MAP1S: variants seen among roughly 807,000 people sequenced by gnomAD.
MAP1S encodes microtubule-associated protein 1S.
In MAP1S, 27 loss-of-function variants were observed where a neutral mutation model predicts 60.9. That is an observed-to-expected ratio of 0.44 (90% CI 0.33 to 0.61). The LOEUF is 0.61. Ranked by LOEUF, MAP1S falls within the 20% of genes least tolerant of loss-of-function variation. The pLI is 0.03. For synonymous variants in MAP1S, 826 were observed against 694.2 expected, an observed-to-expected ratio of 1.19 and a Z score of -2.98; for missense variants, 1,608 against 1,486.6, an observed-to-expected ratio of 1.08 and a Z score of -1.34.
In MAP1S at chr19:17,734,499, CTG is replaced by C. The variant is rs1312176929; in HGVS notation, c.*74_*75del. ...TAGATTCAGCCACATCAGAAATAAA[CTG>C]TGACTACACTTGGCTGTGGCCTCTC... On this transcript the variant is annotated 3_prime_UTR_variant, in exon 7 of 7. Coordinates refer to ENST00000324096, the MANE Select transcript of MAP1S (RefSeq NM_018174.6). 4 of 1,537,786 alleles carry C rather than the reference CTG, an allele frequency of 2.6e-6. No homozygotes were observed. Among genetic ancestry groups the C allele is most frequent in the South Asian group, 1.2e-5 (1 of 82,414 alleles).
chr19:17,728,118 G>C lies in MAP1S; in HGVS notation c.2734G>C (p.Ala912Pro). 1 of 1,611,508 alleles carries C rather than the reference G, an allele frequency of 6.2e-7. No homozygotes were observed. Among genetic ancestry groups the C allele is most frequent in the Non-Finnish European group, 8.5e-7 (1 of 1,178,966 alleles). Residue 912 changes from alanine (A) to proline (P), a missense_variant, in exon 5 of 7, where the codon GCA (alanine) becomes CCA (proline). By Grantham distance (27) the Ala-to-Pro change is conservative (BLOSUM62 -1). Around this residue, in one of 4 missense-constraint regions of MAP1S, gnomAD observed 1,167 missense variants for 961.4 expected, o/e 1.21. Transcript: ENST00000324096. ...TGAGCCCAGTGAGAAGGGAGGCCGG[G>C]CACCCCTGTCCAGAAAGTCCTCAAC... is the stretch of plus-strand genomic sequence containing the variant. ...RSEPSEKGGR[A>P]PLSRKSSTPK...
In MAP1S at chr19:17,733,228, C is replaced by G; in HGVS notation, c.2824C>G (p.Pro942Ala). 6.5e-7 allele frequency: 1 copy of G among 1,548,080 alleles called. No individual in the cohort carries two copies. The highest frequency in any genetic ancestry group is 1.2e-5 in the South Asian group (1 of 83,920). Residue 942 changes from proline (P) to alanine (A), a missense_variant, in exon 6 of 7, where the codon CCA becomes GCA. Physicochemically the swap from Pro to Ala is conservative, Grantham distance 27. This residue lies in a region of MAP1S where 1,167 missense variants were observed against 961.4 expected (regional missense o/e 1.21). Coordinates refer to ENST00000324096, the MANE Select transcript of MAP1S (RefSeq NM_018174.6). ...CAGCCGGCCCGGGGTGTCAGCCACC[C>G]CACCCAAGTCCCCGGTCTACCTGGA... ...ASSRPGVSAT[P>A]PKSPVYLDLA...
In MAP1S at chr19:17,727,159, GC is replaced by G. The variant is rs774987060; in HGVS notation, c.1782del (p.Ser595ValfsTer62). On this transcript the variant is annotated frameshift_variant, in exon 5 of 7. Coordinates refer to ENST00000324096, the MANE Select transcript of MAP1S (RefSeq NM_018174.6). LOFTEE classifies it high-confidence loss of function. The surrounding 1 kb of genome is among the most constrained non-coding windows in gnomAD (Gnocchi z 4.1). ...SPPSLRCGEA[S>X]PPSAACGSPA... ...CCCAGCCTCCGATGTGGAGAAGCCA[GC>G]CCCCCCAGTGCAGCCTGCGGCTCTC... The G allele has an allele frequency of 2.5e-6, 4 of 1,588,142 alleles. No individual in the cohort carries two copies. The highest frequency in any genetic ancestry group is 8.5e-7 in the Non-Finnish European group (1 of 1,170,660).
At chr19:17,719,710 CGGCGGCGGCGGG>C in intron 1 of MAP1S, 90 bp downstream of exon 1, 1 of 496,076 alleles carries the variant, frequency 2.0e-6, no homozygotes. Context: ...GCGGCGGCGG[CGGCGGCGGCGGG>C]ACCCGGGCTC....
In MAP1S at chr19:17,733,292, T is replaced by C; in HGVS notation, c.2888T>C (p.Val963Ala). 6 of 1,583,682 alleles carry C rather than the reference T, an allele frequency of 3.8e-6. No individual in the cohort carries two copies. The highest frequency in any genetic ancestry group is 5.1e-6 in the Non-Finnish European group (6 of 1,166,088). ...CCCAGCGGGAGCAGCGCCCACCTGGTGGATGAGGAGTTCTTCCAGCGCGTG... is the reference window on the plus strand; with the variant it reads ...CCCAGCGGGAGCAGCGCCCACCTGGCGGATGAGGAGTTCTTCCAGCGCGTG... ...YLPSGSSAHL[V>A]DEEFFQRVRA... The change falls in exon 6 of 7, where the codon GTG becomes GCG. Residue 963 changes from valine (V) to alanine (A), a missense_variant. By Grantham distance (64) the Val-to-Ala change is moderately conservative (BLOSUM62 0). This residue lies in a region of MAP1S where 1,167 missense variants were observed against 961.4 expected (regional missense o/e 1.21). Transcript: ENST00000324096.
intron 5 of MAP1S, 85 bp from the exon 6 acceptor site, chr19:17,733,108 C>A (rs2080506058): frequency 4.5e-6 from 4 of 883,464 alleles, no homozygotes; most frequent in Non-Finnish European, 6.9e-6. Flanking sequence ...GGGAGCTGCT[C>A]TGAGTGGTGC....
At chr19:17,728,219 G>A (rs1384765079) in intron 5 of MAP1S, 47 bp downstream of exon 5, 1 of 1,512,566 alleles carries the variant, frequency 6.6e-7, no homozygotes, top group Non-Finnish European at 8.9e-7. Context: ...AGCTGCTTAG[G>A]CTGGAGAGCA....
At chr19:17,724,907 C>A in intron 3 of MAP1S, 142 bp from the exon 4 acceptor site, 1 of 1,004,724 alleles carries the variant, frequency 1.0e-6, no homozygotes, top group Non-Finnish European at 1.5e-6. Flanking sequence ...AGACTGCCTT[C>A]GTAGCTAGTT....
In MAP1S at chr19:17,726,743, C is replaced by T; in HGVS notation, c.1359C>T (p.Phe453=). The T allele has an allele frequency of 6.3e-7, 1 of 1,579,066 alleles. No homozygotes were observed. The highest frequency in any genetic ancestry group is 8.6e-7 in the Non-Finnish European group (1 of 1,166,128). The change falls in exon 5 of 7, where the codon TTC becomes TTT. Residue 453 remains phenylalanine (F), a synonymous_variant. Coordinates refer to ENST00000324096, the MANE Select transcript of MAP1S (RefSeq NM_018174.6). ...TGGTCCGCCTGCAGCACTTGAGGTT[C>T]CTGCGAGAGCCCGTGGTGACGCCCC... The part of the protein sequence containing the change: ...DGLVRLQHLR[F]LREPVVTPQD...
intron 5 of MAP1S, 56 bp from the exon 6 acceptor site, chr19:17,733,137 C>T (rs1568296761): frequency 1.3e-5 from 16 of 1,243,174 alleles, no homozygotes; most frequent in South Asian, 7.3e-5. Context: ...CTTGGAGCCT[C>T]GGCCCCTCCC....
chr19:17,723,992 C>T, intron 2 of MAP1S, 134 bp from the exon 3 acceptor site: 1 of 664,808 alleles, frequency 1.5e-6, no homozygotes, highest in Non-Finnish European at 2.7e-6. Context: ...CTTGCCTGGT[C>T]CTGACCTGCA....
chr19:17,720,616 TC>T (rs1461796139), intron 1 of MAP1S: 36 of 1,080,742 alleles, frequency 3.3e-5, no homozygotes, highest in Non-Finnish European at 4.2e-5. Context: ...GGGATGGACT[TC>T]CAGGCAGGGG....
rs1287005772 is a variant in MAP1S at position 17,719,516 on chromosome 19, C to T, written c.14C>T (p.Ala5Val). ...GGCGGCCCGAAGATGGCGGCGGTGG[C>T]TGGATCTGGGGCTGCCGCGGCTCCG... Reference protein sequence around the residue: MAAVAGSGAAAAPSS... With the variant: MAAVVGSGAAAAPSS... Residue 5 changes from alanine (A) to valine (V), a missense_variant, in exon 1 of 7, where the codon GCT (alanine) becomes GTT (valine). Physicochemically the swap from Ala to Val is moderately conservative, Grantham distance 64 (BLOSUM62 0). This residue lies in a region of MAP1S where 45 missense variants were observed against 22.0 expected (regional missense o/e 2.04). Coordinates refer to ENST00000324096, the MANE Select transcript of MAP1S (RefSeq NM_018174.6). 15 of 1,245,456 alleles carry T rather than the reference C, an allele frequency of 1.2e-5. No individual in the cohort carries two copies. In the South Asian group the frequency reaches 1.2e-4, roughly 10 times the overall value. The allele number at this position is 1,245,456 out of a possible 1,614,324, so 77.2% of individuals were successfully genotyped here.
At position 17,726,081 on chromosome 19, in the gene MAP1S, G is replaced by A. The variant is rs762619849; in HGVS notation, c.697G>A (p.Gly233Arg). The stretch of plus-strand genomic sequence containing the variant: ...CGAGCTGCTGGAGCCCCCGACCTCC[G>A]GGGGCTTCCTCAGGCTGGGCCGGCC... ...PFELLEPPTS[G>R]GFLRLGRPCC... Residue 233 changes from glycine to arginine, a missense_variant, in exon 5 of 7, where the codon GGG (glycine) becomes AGG (arginine). By Grantham distance (125) the Gly-to-Arg change is moderately radical. Transcript: ENST00000324096. 1.9e-6 allele frequency: 3 copies of A among 1,613,492 alleles called. No individual in the cohort carries two copies. Among genetic ancestry groups the A allele is most frequent in the East Asian group, 2.2e-5 (1 of 44,872 alleles).
At position 17,726,085 on chromosome 19, in the gene MAP1S, G is replaced by T; in HGVS notation, c.701G>T (p.Gly234Val). 6.2e-7 allele frequency: 1 copy of T among 1,613,790 alleles called. No individual in the cohort carries two copies. Among genetic ancestry groups the T allele is most frequent in the Non-Finnish European group, 8.5e-7 (1 of 1,179,944 alleles). ...FELLEPPTSG[G>V]FLRLGRPCCY... is the part of the protein sequence containing the mutation. ...CTGCTGGAGCCCCCGACCTCCGGGG[G>T]CTTCCTCAGGCTGGGCCGGCCCTGC... Residue 234 changes from glycine to valine, a missense_variant, in exon 5 of 7, where the codon GGC (glycine) becomes GTC (valine). Physicochemically the swap from Gly to Val is moderately radical, Grantham distance 109. Coordinates refer to ENST00000324096, the MANE Select transcript of MAP1S (RefSeq NM_018174.6).
chr19:17,732,794 G>GC (rs1332834751), intron 5 of MAP1S, among the ~76,000 whole-genome samples: 1 of 152,134 alleles, frequency 6.6e-6, no homozygotes, highest in Admixed American at 6.5e-5. Flanking sequence ...CCACCCACTC[G>GC]CCCCCCAGCC....
In MAP1S at chr19:17,727,797, G is replaced by C. The variant is rs766165222; in HGVS notation, c.2413G>C (p.Gly805Arg). 1 of 1,611,926 alleles carries C rather than the reference G, an allele frequency of 6.2e-7. No homozygotes were observed. Among genetic ancestry groups the C allele is most frequent in the Non-Finnish European group, 8.5e-7 (1 of 1,179,292 alleles). The change falls in exon 5 of 7, where the codon GGT becomes CGT. Residue 805 changes from glycine to arginine, a missense_variant. Gly to Arg is a moderately radical substitution (Grantham distance 125, BLOSUM62 -2). This residue lies in a region of MAP1S where 1,167 missense variants were observed against 961.4 expected (regional missense o/e 1.21). Coordinates refer to ENST00000324096, the MANE Select transcript of MAP1S (RefSeq NM_018174.6). This position sits in a 1 kb window ranked among gnomAD's most constrained non-coding sequence, Gnocchi z 4.1. ...SDSDPVPLAP[G>R]AADSDEDTEG... ...CTCGGATCCCGTGCCCCTGGCCCCC[G>C]GTGCGGCAGACTCAGACGAAGACAC... is the stretch of plus-strand genomic sequence containing the variant.
Position 17,728,136 on chromosome 19 carries a change from T to A in MAP1S, c.2752T>A (p.Ser918Thr). ...KGGRAPLSRK[S>T]STPKTATRGP... ...AGGCCGGGCACCCCTGTCCAGAAAG[T>A]CCTCAACCCCCAAGACTGCCACTCG... Residue 918 changes from serine to threonine, a missense_variant, in exon 5 of 7, where the codon TCC (serine) becomes ACC (threonine). Ser to Thr is a moderately conservative substitution (Grantham distance 58). Around this residue, in one of 4 missense-constraint regions of MAP1S, gnomAD observed 1,167 missense variants for 961.4 expected, o/e 1.21. Coordinates refer to ENST00000324096, the MANE Select transcript of MAP1S (RefSeq NM_018174.6). 6.2e-7 allele frequency: 1 copy of A among 1,607,524 alleles called. No individual in the cohort carries two copies. Among genetic ancestry groups the A allele is most frequent in the Non-Finnish European group, 8.5e-7 (1 of 1,176,358 alleles).
chr19:17,720,081 G>T, intron 1 of MAP1S: 10 of 1,147,704 alleles, frequency 8.7e-6, no homozygotes, highest in Non-Finnish European at 1.1e-5. Context: ...CCCGCTTTCT[G>T]TTGCCTCACA....
Sources: gnomAD v4.1 joint callset for allele counts (sites outside exome capture counted in the v4.1 genomes callset) on GRCh38, gnomAD v4.1.1 for gene constraint, gnomAD v4.1.1 regional missense constraint, Gnocchi (gnomAD v3.1) non-coding constraint, MANE v1.5 for transcripts, NCBI Gene and HGNC (gene_info 2026-07-23, HGNC 2026-07-21) for gene names.